Variants in OXA1L observed in about 807,000 individuals in gnomAD.
OXA1L encodes OXA1L mitochondrial inner membrane insertase, also known as mitochondrial inner membrane protein OXA1L.
OXA1L carries 42 observed loss-of-function variants against 52.2 expected under a neutral mutation model. That is an observed-to-expected ratio of 0.80 (90% CI 0.63 to 1.04). The LOEUF is 1.04. Among genes scored for constraint, OXA1L ranks in the 50% least tolerant of loss-of-function variants. The pLI is 0.00. For missense variants in OXA1L, 572 were observed against 555.0 expected (o/e 1.03, Z -0.31); for synonymous variants, 239 against 201.9 (o/e 1.18, Z -1.56).
intron 2 of OXA1L, 111 bp downstream of exon 2, chr14:22,767,520 C>T: frequency 1.2e-6 from 1 of 862,996 alleles, no homozygotes; most frequent in Non-Finnish European, 1.8e-6. Context: ...TGTCCACGCT[C>T]CACACAGCTC....
Position 22,766,729 on chromosome 14 carries a change from C to G in OXA1L, c.28C>G (p.Arg10Gly), listed in dbSNP as rs372646622. MAMGLMCGRRELLRLLQSGR... is the reference protein window; with the variant it reads MAMGLMCGRGELLRLLQSGR... ...GGCGATGGGACTAATGTGCGGACGCCGGGAGCTTCTGCGCTTGCTACAGTC... is the reference window on the plus strand; with the variant it reads ...GGCGATGGGACTAATGTGCGGACGCGGGGAGCTTCTGCGCTTGCTACAGTC... The change falls in exon 1 of 10, where the codon CGG becomes GGG. Residue 10 changes from arginine (R) to glycine (G), a missense_variant. Around this residue, in one of 5 missense-constraint regions of OXA1L, gnomAD observed 186 missense variants for 151.8 expected, o/e 1.23. Coordinates refer to ENST00000612549, the MANE Select transcript of OXA1L (RefSeq NM_005015.5). 1.2e-6 allele frequency: 2 copies of G among 1,614,248 alleles called. No homozygotes were observed. Among genetic ancestry groups the G allele is most frequent in the Non-Finnish European group, 1.7e-6 (2 of 1,180,054 alleles).
intron 3 of OXA1L, chr14:22,768,737 T>C (rs1218542177): frequency 6.4e-6 from 1 of 155,472 alleles, no homozygotes; most frequent in African/African-American, 2.4e-5. Flanking sequence ...TTGATGGCTG[T>C]TATTTATTTT....
Position 22,767,339 on chromosome 14 carries a change from A to G in OXA1L, c.155A>G (p.His52Arg), listed in dbSNP as rs908596222. The G allele has an allele frequency of 1.9e-5, 31 of 1,613,738 alleles. No homozygotes were observed. The highest frequency in any genetic ancestry group is 2.4e-5 in the Non-Finnish European group (28 of 1,179,924). ...GCAGCCCCGTGCTGCTGTCGCCCAC[A>G]CTACCTCTTCCTTGCGGCTTCCGGC... ...FPAAPCCCRP[H>R]YLFLAASGPR... is the part of the protein sequence containing the mutation. The change falls in exon 2 of 10, where the codon CAC becomes CGC. Residue 52 changes from histidine to arginine, a missense_variant. Physicochemically the swap from His to Arg is conservative, Grantham distance 29. This residue lies in a region of OXA1L where 186 missense variants were observed against 151.8 expected (regional missense o/e 1.23). Transcript: ENST00000612549.
Position 22,768,006 on chromosome 14 carries a change from C to G in OXA1L, c.274C>G (p.Pro92Ala). The G allele has an allele frequency of 4.3e-6, 7 of 1,614,188 alleles. No individual in the cohort carries two copies. Among genetic ancestry groups the G allele is most frequent in the Non-Finnish European group, 5.9e-6 (7 of 1,180,010 alleles). Residue 92 changes from proline to alanine, a missense_variant, in exon 3 of 10, where the codon CCT becomes GCT. Coordinates refer to ENST00000612549, the MANE Select transcript of OXA1L (RefSeq NM_005015.5). ...TGCAACTCCCTCACCCACAGCAGTA[C>G]CTGAGGTGGCTTCTGGAGAGACTGC... ...VAATPSPTAV[P>A]EVASGETADV...
At chr14:22,770,985 GCTT>G in intron 7 of OXA1L, 30 bp from the exon 8 acceptor site, 1 of 1,613,952 alleles carries the variant, frequency 6.2e-7, no homozygotes, top group Non-Finnish European at 8.5e-7. Flanking sequence ...CAGGGATACA[GCTT>G]CTGAGTCCCT....
In OXA1L at chr14:22,766,773, G is replaced by A. The variant is rs368949933; in HGVS notation, c.63+9G>A. 2.0e-4 allele frequency: 326 copies of A among 1,613,890 alleles called. No individual in the cohort carries two copies. Among genetic ancestry groups the A allele is most frequent in the Non-Finnish European group, 2.7e-4 (317 of 1,179,992 alleles). The stretch of plus-strand genomic sequence containing the variant: ...TACAGTCCGGGCGTCGGGTAAGGAT[G>A]CCCCGGGGCAGAGCACCGGGATGCT... On this transcript the variant is annotated intron_variant, in intron 1 of 9. Coordinates refer to ENST00000612549, the MANE Select transcript of OXA1L (RefSeq NM_005015.5).
intron 2 of OXA1L, 99 bp downstream of exon 2, chr14:22,767,508 C>A: frequency 1.0e-6 from 1 of 999,222 alleles, no homozygotes; most frequent in Non-Finnish European, 1.5e-6. Context: ...GAGCAGAGTT[C>A]TTGTCCACGC....
chr14:22,769,072 C>T (rs1594938419), intron 3 of OXA1L: 1 of 152,172 alleles, frequency 6.6e-6, no homozygotes, highest in East Asian at 1.9e-4. Context: ...ACAGGTGTGC[C>T]ACCACACCTG....
intron 1 of OXA1L, 28 bp downstream of exon 1, chr14:22,766,792 G>C (rs184742544): frequency 6.2e-7 from 1 of 1,613,398 alleles, no homozygotes; most frequent in South Asian, 1.1e-5. Context: ...CAGAGCACCG[G>C]GATGCTGCCC....
intron 4 of OXA1L, 96 bp downstream of exon 4, chr14:22,770,030 C>T: frequency 6.6e-7 from 1 of 1,510,804 alleles, no homozygotes; most frequent in Non-Finnish European, 9.2e-7. Flanking sequence ...CAGAAGTTGC[C>T]ACAGTCGGGA....
At chr14:22,767,622 T>C (rs2038420897) in intron 2 of OXA1L, 1 of 533,304 alleles carries the variant, frequency 1.9e-6, no homozygotes, top group Non-Finnish European at 3.3e-6. Context: ...TATTTGGTTT[T>C]CTGAGCTGTT....
chr14:22,769,919 G>A lies in OXA1L; in HGVS notation c.568G>A (p.Gly190Arg), dbSNP rs556743310. The A allele has an allele frequency of 6.2e-7, 1 of 1,614,174 alleles. No homozygotes were observed. Among genetic ancestry groups the A allele is most frequent in the South Asian group, 1.1e-5 (1 of 91,082 alleles). Residue 190 changes from glycine (G) to arginine (R), a missense_variant, in exon 4 of 10, where the codon GGA (glycine) becomes AGA (arginine). By Grantham distance (125) the Gly-to-Arg change is moderately radical. Around this residue, in one of 5 missense-constraint regions of OXA1L, gnomAD observed 132 missense variants for 124.0 expected, o/e 1.06. Coordinates refer to ENST00000612549, the MANE Select transcript of OXA1L (RefSeq NM_005015.5). ...TCGAATCAGAGAGGCCAAGTTAGCAGGAGACCATATTGAGTGTGAGTCAGT... is the reference window on the plus strand; with the variant it reads ...TCGAATCAGAGAGGCCAAGTTAGCAAGAGACCATATTGAGTGTGAGTCAGT... Reference protein sequence around the residue: ...SSRIREAKLAGDHIEYYKASS... With the variant: ...SSRIREAKLARDHIEYYKASS...
Position 22,772,467 on chromosome 14 carries a change from CAA to C in OXA1L, c.*910_*911del, listed in dbSNP as rs2038484385. ...TTGCGCCACTGCACTCCAGCCTGGG[CAA>C]GAGAGTGAGACTCCTTCTCAAAAAA... is the stretch of plus-strand genomic sequence containing the variant. On this transcript the variant is annotated 3_prime_UTR_variant, in exon 10 of 10. Transcript: ENST00000612549. The C allele has an allele frequency of 8.7e-6, 1 of 114,286 alleles. No homozygotes were observed. Among genetic ancestry groups the C allele is most frequent in the Non-Finnish European group, 1.6e-5 (1 of 60,736 alleles). 7.1% of individuals were successfully genotyped at this position (114,286 alleles called of 1,614,324 possible). A position where few individuals can be genotyped will look rare whatever the true frequency, so the allele number is the denominator to read the frequency against.
In OXA1L at chr14:22,771,782, A is replaced by G. The variant is rs970776167; in HGVS notation, c.*224A>G. 3 of 542,286 alleles carry G rather than the reference A, an allele frequency of 5.5e-6. No homozygotes were observed. Among genetic ancestry groups the G allele is most frequent in the Admixed American group, 3.2e-5 (1 of 31,362 alleles). 33.6% of individuals were successfully genotyped at this position (542,286 alleles called of 1,614,324 possible). On this transcript the variant is annotated 3_prime_UTR_variant, in exon 10 of 10. Transcript: ENST00000612549. ...CACAGAGTTAGTAAACCTCTGTACT[A>G]CATGCTGCTTCCTGATACTTATTGA...
At chr14:22,767,171 A>T in intron 1 of OXA1L, 77 bp from the exon 2 acceptor site, 1 of 1,557,820 alleles carries the variant, frequency 6.4e-7, no homozygotes, top group South Asian at 1.2e-5. Flanking sequence ...GGGAGTTAGC[A>T]TAATGAATCC....
At chr14:22,767,012 C>A in intron 1 of OXA1L, 1 of 1,535,556 alleles carries the variant, frequency 6.5e-7, no homozygotes, top group East Asian at 2.4e-5. Context: ...TCAGGGCCCT[C>A]CGATGTGGGT....
chr14:22,767,701 A>C (rs540038236), intron 2 of OXA1L: 1 of 495,370 alleles, frequency 2.0e-6, no homozygotes, highest in African/African-American at 1.9e-5. Context: ...AAATGGCTGA[A>C]GTTTGGAAAA....
At chr14:22,766,935 G>GC in intron 1 of OXA1L, 171 bp downstream of exon 1, 6 of 1,511,968 alleles carry the variant, frequency 4.0e-6, no homozygotes, top group Non-Finnish European at 5.3e-6. Context: ...GACACTATGG[G>GC]CCCAGCAGCC....
chr14:22,770,164 C>T lies in OXA1L; in HGVS notation c.584-29C>T. 1.3e-6 allele frequency: 2 copies of T among 1,526,942 alleles called. 1 individual carries two copies. Among genetic ancestry groups the T allele is most frequent in the Non-Finnish European group, 1.8e-6 (2 of 1,100,686 alleles). 94.6% of individuals were successfully genotyped at this position (1,526,942 alleles called of 1,614,324 possible). On this transcript the variant is annotated intron_variant, in intron 4 of 9. Transcript: ENST00000612549. The stretch of plus-strand genomic sequence containing the variant: ...CACCTCCACTGATGTAACTGTTACC[C>T]CAACCATTAATTTCCCCTCACCTCA...
Sources: gnomAD v4.1 joint callset for allele counts on GRCh38, gnomAD v4.1.1 for gene constraint, gnomAD v4.1.1 regional missense constraint, MANE v1.5 for transcripts, NCBI Gene and HGNC (gene_info 2026-07-23, HGNC 2026-07-21) for gene names.